CRPPA: variants seen among roughly 807,000 people sequenced by gnomAD.
CRPPA encodes the protein D-ribitol-5-phosphate cytidylyltransferase.
Under a neutral mutation model 52.0 loss-of-function variants are expected in CRPPA, and 43 were observed. That is an observed-to-expected ratio of 0.83 (90% CI 0.65 to 1.07). The LOEUF is 1.07. Among genes scored for constraint, CRPPA ranks in the 50% least tolerant of loss-of-function variants. CRPPA has a pLI of 0.00. For synonymous variants in CRPPA, 250 were observed against 203.5 expected (o/e 1.23, Z -1.94); for missense variants, 629 against 551.7 (o/e 1.14, Z -1.40).
chr7:16,396,490 C>G (rs1321646328), intron 2 of CRPPA, among the ~76,000 whole-genome samples: 1 of 152,170 alleles, frequency 6.6e-6, no homozygotes, highest in East Asian at 1.9e-4. Flanking sequence ...ATAGTACAAC[C>G]ACTACAGAAA....
intron 9 of CRPPA, among the ~76,000 whole-genome samples, chr7:16,176,485 C>T (rs73304822): frequency 0.052 from 7,921 of 152,116 alleles, 549 homozygotes; most frequent in East Asian, 0.32. Flanking sequence ...CCATTACACA[C>T]CTATGAGAAT....
chr7:16,235,791 C>G (rs116882888), intron 8 of CRPPA: 1 of 151,868 alleles, frequency 6.6e-6, no homozygotes, highest in Non-Finnish European at 1.5e-5. Context: ...TTGTACTATT[C>G]GAAAAGGGCA....
intron 3 of CRPPA, among the ~76,000 whole-genome samples, chr7:16,350,881 G>C (rs1462220506): frequency 1.3e-5 from 2 of 152,148 alleles, no homozygotes; most frequent in African/African-American, 2.4e-5. Flanking sequence ...AGAACACTCA[G>C]ACTGAAAGTG....
chr7:16,397,433 A>C (rs1307999319), intron 2 of CRPPA, among the ~76,000 whole-genome samples: 1 of 152,184 alleles, frequency 6.6e-6, no homozygotes, highest in African/African-American at 2.4e-5. Context: ...GACACGTGTA[A>C]CGTGTGATGT....
rs562907910 is a variant in CRPPA at position 16,228,760 on chromosome 7, C to T, written c.1120-12563G>A. On this transcript the variant is annotated intron_variant, in intron 8 of 9. Transcript: ENST00000407010. ...CATGTGCAGTTGAGAAGAGTGTGTA[C>T]TCCTCAGCTGTTCAACTCTTGGACT... 2.4e-4 allele frequency among the ~76,000 whole-genome samples: 36 copies of T among 152,020 alleles called. 2 individuals are homozygous for T. The South Asian group carries it at 5.8e-3, about 25-fold the overall frequency.
chr7:16,088,954 T>C lies in CRPPA; in HGVS notation c.*2741A>G. On this transcript the variant is annotated 3_prime_UTR_variant, in exon 10 of 10. Transcript: ENST00000407010. The stretch of plus-strand genomic sequence containing the variant: ...TATCAGACGTGGCTTATATATCAGA[T>C]GTCTTTGCCAGGGGTCATTGTTAGA... 1 of 207,698 alleles carries C rather than the reference T, an allele frequency of 4.8e-6. No homozygotes were observed. Among genetic ancestry groups the C allele is most frequent in the Admixed American group, 5.0e-5 (1 of 19,822 alleles). 12.9% of individuals were successfully genotyped at this position (207,698 alleles called of 1,614,324 possible).
chr7:16,225,259 G>C (rs1284122970), intron 8 of CRPPA, among the ~76,000 whole-genome samples: 3 of 151,838 alleles, frequency 2.0e-5, no homozygotes, highest in Non-Finnish European at 4.4e-5. Context: ...CAGTTAATAG[G>C]AAAACCTAAC....
At chr7:16,156,604 C>T (rs1032799719) in intron 9 of CRPPA, among the ~76,000 whole-genome samples, 1 of 152,124 alleles carries the variant, frequency 6.6e-6, no homozygotes, top group Non-Finnish European at 1.5e-5. Flanking sequence ...CAAGGCACAA[C>T]TTATAAACAA....
At chr7:16,390,159 C>T (rs111827473) in intron 2 of CRPPA, among the ~76,000 whole-genome samples, 1,565 of 151,786 alleles carry the variant, frequency 0.01, 14 homozygotes, top group Non-Finnish European at 0.018. Context: ...CTCTCAAATA[C>T]GTCTCTACAT....
intron 9 of CRPPA, among the ~76,000 whole-genome samples, chr7:16,158,745 C>A (rs1485328612): frequency 6.6e-6 from 1 of 152,134 alleles, no homozygotes. Flanking sequence ...AGTATCTATG[C>A]TGGCATTTGT....
At chr7:16,185,505 G>A (rs915553197) in intron 9 of CRPPA, among the ~76,000 whole-genome samples, 1 of 152,134 alleles carries the variant, frequency 6.6e-6, no homozygotes, top group Non-Finnish European at 1.5e-5. Context: ...AACAACGGTG[G>A]TGGCAATAGG....
At chr7:16,103,103 C>T (rs777330154) in intron 9 of CRPPA, among the ~76,000 whole-genome samples, 13 of 152,300 alleles carry the variant, frequency 8.5e-5, no homozygotes, top group Non-Finnish European at 1.8e-4. Context: ...GGCACATGTA[C>T]ACCATGGAAT....
chr7:16,229,268 T>G (rs746515379), intron 8 of CRPPA, among the ~76,000 whole-genome samples: 2 of 152,026 alleles, frequency 1.3e-5, no homozygotes, highest in Non-Finnish European at 2.9e-5. Context: ...AAAATATACT[T>G]ACATTCAAGA....
intron 9 of CRPPA, among the ~76,000 whole-genome samples, chr7:16,161,867 G>A (rs781255429): frequency 2.0e-5 from 3 of 152,128 alleles, no homozygotes; most frequent in African/African-American, 7.2e-5. Flanking sequence ...TTCAGAAATT[G>A]TTATTGGTCT....
intron 1 of CRPPA, among the ~76,000 whole-genome samples, chr7:16,416,608 G>T (rs1788200201): frequency 6.6e-6 from 1 of 151,974 alleles, no homozygotes; most frequent in African/African-American, 2.4e-5. Context: ...GCCGACGCAG[G>T]TGGATCACCT....
intron 9 of CRPPA, among the ~76,000 whole-genome samples, chr7:16,119,473 T>C (rs2128369353): frequency 6.6e-6 from 1 of 152,058 alleles, no homozygotes; most frequent in African/African-American, 2.4e-5. Context: ...TAAGGTGAGA[T>C]ATACAAGTCC....
chr7:16,296,458 A>G (rs1322209401), intron 5 of CRPPA, among the ~76,000 whole-genome samples: 1 of 152,178 alleles, frequency 6.6e-6, no homozygotes, highest in African/African-American at 2.4e-5. Flanking sequence ...ATGAGACATG[A>G]TATTTATCCT....
chr7:16,163,815 A>C (rs772234749), intron 9 of CRPPA, among the ~76,000 whole-genome samples: 23 of 151,874 alleles, frequency 1.5e-4, no homozygotes, highest in Non-Finnish European at 2.5e-4. Flanking sequence ...GTTGAAAATT[A>C]TTTTCTTTAA....
intron 9 of CRPPA, among the ~76,000 whole-genome samples, chr7:16,145,642 T>TAA (rs1554277790): frequency 6.8e-6 from 1 of 147,970 alleles, no homozygotes. Context: ...AAAACTATCA[T>TAA]AAAAAAAAAA....
Sources: gnomAD v4.1 joint callset for allele counts (sites outside exome capture counted in the v4.1 genomes callset) on GRCh38, gnomAD v4.1.1 for gene constraint, MANE v1.5 for transcripts, NCBI Gene and HGNC (gene_info 2026-07-23, HGNC 2026-07-21) for gene names.